The following IGF1R variants were observed in gnomAD, a reference collection of about 807,000 sequenced individuals.
IGF1R encodes insulin-like growth factor 1 receptor.
A neutral mutation model predicts 144.6 loss-of-function variants in IGF1R; 44 were observed. The ratio of observed to expected loss-of-function variants is 0.30; its 90% confidence interval spans 0.24 to 0.39. IGF1R has a LOEUF of 0.39. Among genes scored for constraint, IGF1R ranks in the 10% least tolerant of loss-of-function variants. IGF1R has a pLI of 1.00. For synonymous variants in IGF1R, 795 were observed against 722.8 expected (o/e 1.10, Z -1.60); for missense variants, 1,355 against 1,833.7 (o/e 0.74, Z 4.77).
intron 3 of IGF1R, among the ~76,000 whole-genome samples, chr15:98,892,574 G>A (rs1302622783): frequency 6.6e-6 from 1 of 150,680 alleles, no homozygotes; most frequent in Admixed American, 6.6e-5. Context: ...AATGCCATAT[G>A]CCCTTTTGTA....
chr15:98,767,852 T>C (rs72769821), intron 2 of IGF1R, among the ~76,000 whole-genome samples: 8,449 of 152,170 alleles, frequency 0.056, 273 homozygotes, highest in East Asian at 0.12. Context: ...TGTGTCTCCA[T>C]CTCCCAAGCA....
intron 2 of IGF1R, among the ~76,000 whole-genome samples, chr15:98,848,423 G>C (rs1596356003): frequency 6.6e-6 from 1 of 152,190 alleles, no homozygotes; most frequent in Admixed American, 6.5e-5. Flanking sequence ...AATACAGTCA[G>C]CCCAGCCAAG....
At chr15:98,770,496 T>C (rs201161935) in intron 2 of IGF1R, among the ~76,000 whole-genome samples, 1 of 152,246 alleles carries the variant, frequency 6.6e-6, no homozygotes, top group East Asian at 1.9e-4. Flanking sequence ...AGGATACATG[T>C]TTGAAATGAT....
At chr15:98,774,451 C>G (rs115329136) in intron 2 of IGF1R, among the ~76,000 whole-genome samples, 5 of 152,024 alleles carry the variant, frequency 3.3e-5, no homozygotes, top group African/African-American at 1.2e-4. Flanking sequence ...GTTTGACTAT[C>G]GAGTTTAGAT....
chr15:98,821,279 C>T (rs916379068), intron 2 of IGF1R, among the ~76,000 whole-genome samples: 18 of 147,862 alleles, frequency 1.2e-4, no homozygotes, highest in East Asian at 4.1e-4. Flanking sequence ...ATTTTAAACA[C>T]GCCTCCCCCC....
At chr15:98,828,242 A>T (rs1484543441) in intron 2 of IGF1R, among the ~76,000 whole-genome samples, 2 of 152,192 alleles carry the variant, frequency 1.3e-5, no homozygotes, top group East Asian at 3.9e-4. Flanking sequence ...AAACTTCCAC[A>T]GTCAGACCGT....
chr15:98,805,551 G>A (rs758023142), intron 2 of IGF1R, among the ~76,000 whole-genome samples: 24 of 152,060 alleles, frequency 1.6e-4, no homozygotes, highest in Non-Finnish European at 2.6e-4. Flanking sequence ...CACACTGCCC[G>A]TTGTCCCCTC....
chr15:98,901,754 A>G (rs1276375368), intron 5 of IGF1R, among the ~76,000 whole-genome samples: 2 of 152,202 alleles, frequency 1.3e-5, no homozygotes, highest in Admixed American at 6.5e-5. Flanking sequence ...GCTTCTGACA[A>G]GAGGTGGCAT....
intron 2 of IGF1R, among the ~76,000 whole-genome samples, chr15:98,716,130 G>C (rs1386707469): frequency 1.3e-5 from 2 of 152,166 alleles, no homozygotes. Context: ...AGGGACGGTT[G>C]CCACGTCACC....
At chr15:98,791,988 A>G (rs982134210) in intron 2 of IGF1R, among the ~76,000 whole-genome samples, 1 of 152,248 alleles carries the variant, frequency 6.6e-6, no homozygotes, top group African/African-American at 2.4e-5. Context: ...TTTGAGGATC[A>G]GAATGGTGGC....
intron 19 of IGF1R, among the ~76,000 whole-genome samples, chr15:98,943,464 T>C (rs2016439090): frequency 6.6e-6 from 1 of 152,214 alleles, no homozygotes; most frequent in African/African-American, 2.4e-5. Flanking sequence ...GTGCTTTATT[T>C]AGACCCAAAG....
At chr15:98,788,034 ATCTCTCTCTCTC>A (rs33910472) in intron 2 of IGF1R, among the ~76,000 whole-genome samples, 33 of 133,780 alleles carry the variant, frequency 2.5e-4, no homozygotes, top group Non-Finnish European at 3.2e-5. Context: ...GTGGGTAGGG[ATCTCTCTCTCTC>A]TCTCTCTCTC....
At chr15:98,736,617 C>CT (rs969700504) in intron 2 of IGF1R, among the ~76,000 whole-genome samples, 105 of 133,052 alleles carry the variant, frequency 7.9e-4, no homozygotes, top group African/African-American at 2.3e-3. Context: ...TTTCTTTTTT[C>CT]TTTTTTTTTT....
At chr15:98,899,286 C>G (rs953395155) in intron 4 of IGF1R, among the ~76,000 whole-genome samples, 191 bp from the exon 5 acceptor site, 3 of 152,238 alleles carry the variant, frequency 2.0e-5, no homozygotes, top group African/African-American at 7.2e-5. Flanking sequence ...CCTGGGAGGC[C>G]TCGTTCCAGG....
Position 98,681,230 on chromosome 15 carries a change from C to T in IGF1R, c.95-26332C>T, listed in dbSNP as rs374096595. Among the ~76,000 whole-genome samples the T allele has an allele frequency of 2.6e-4, 40 of 152,246 alleles. 1 individual carries two copies. The East Asian group carries it at 2.9e-3, about 11-fold the overall frequency. The stretch of plus-strand genomic sequence containing the variant: ...GTCTTTACAAGTCTGCTTTGCTGAT[C>T]GATTGTGACATCTTGAGGGCGGCTG... On this transcript the variant is annotated intron_variant, in intron 1 of 20. Transcript: ENST00000650285.
chr15:98,956,740 C>G (rs771644745), intron 20 of IGF1R, among the ~76,000 whole-genome samples: 3 of 152,260 alleles, frequency 2.0e-5, no homozygotes, highest in African/African-American at 2.4e-5. Context: ...TTTCTTAGCA[C>G]TGCCACCATA....
chr15:98,826,124 T>TA (rs1255901721), intron 2 of IGF1R, among the ~76,000 whole-genome samples: 5 of 152,238 alleles, frequency 3.3e-5, no homozygotes, highest in African/African-American at 1.2e-4. Flanking sequence ...TAGTGGTTGA[T>TA]ATCTTGAAAT....
chr15:98,917,026 G>A (rs2015285155), intron 10 of IGF1R, 150 bp downstream of exon 10: 10 of 737,038 alleles, frequency 1.4e-5, no homozygotes, highest in East Asian at 5.4e-5. Context: ...TGACAGGTTC[G>A]GTGAAGTGAG....
chr15:98,923,955 T>C lies in IGF1R; in HGVS notation c.2565T>C (p.Pro855=). 1 of 1,613,898 alleles carries C rather than the reference T, an allele frequency of 6.2e-7. No individual in the cohort carries two copies. The highest frequency in any genetic ancestry group is 8.5e-7 in the Non-Finnish European group (1 of 1,179,738). The part of the protein sequence containing the change: ...ENSIFLKWPE[P]ENPNGLILMY... Reference sequence around the variant, plus strand: ...CCATCTTTTTAAAGTGGCCGGAACCTGAGAATCCCAATGGATTGATTCTAA... The same window carrying C: ...CCATCTTTTTAAAGTGGCCGGAACCCGAGAATCCCAATGGATTGATTCTAA... The change falls in exon 12 of 21, where the codon CCT becomes CCC. Residue 855 remains proline (P), a synonymous_variant. Transcript: ENST00000650285.
Sources: allele counts gnomAD v4.1 joint callset (sites outside exome capture counted in the v4.1 genomes callset), GRCh38; gene constraint gnomAD v4.1.1; transcripts MANE v1.5; gene names NCBI Gene and HGNC (gene_info 2026-07-23, HGNC 2026-07-21).